UGT1A8: variants seen among roughly 807,000 people sequenced by gnomAD.
The protein encoded by UGT1A8 is UDP-glucuronosyltransferase 1A8.
A neutral mutation model predicts 45.3 loss-of-function variants in UGT1A8; 39 were observed. The ratio of observed to expected loss-of-function variants is 0.86; its 90% CI spans 0.67 to 1.12. The LOEUF is 1.12. Ranked by LOEUF, UGT1A8 falls within the 50% of genes most tolerant of loss-of-function variation. The probability of loss-of-function intolerance (pLI) is 0.00; values close to 1 mark genes in which losing one functional copy is unlikely to be tolerated. For missense variants in UGT1A8, 719 were observed against 664.9 expected, an observed-to-expected ratio of 1.08 and a Z score of -0.90; for synonymous variants, 275 against 249.2, an observed-to-expected ratio of 1.10 and a Z score of -0.97.
At chr2:233,657,796 A>T (rs1219520994) in intron 1 of UGT1A8, among the ~76,000 whole-genome samples, 1 of 152,094 alleles carries the variant, frequency 6.6e-6, no homozygotes, top group Non-Finnish European at 1.5e-5. Context: ...CCATCTGTAT[A>T]TGTTCTTTGG....
Position 233,758,775 on chromosome 2 carries a change from G to C in UGT1A8, c.856-8259G>C, listed in dbSNP as rs534171239. Among the ~76,000 whole-genome samples the C allele has an allele frequency of 2.6e-5, 4 of 152,252 alleles. No individual in the cohort carries two copies. In the East Asian group the frequency reaches 7.7e-4, roughly 29 times the overall value. On this transcript the variant is annotated intron_variant, in intron 1 of 4. Coordinates refer to ENST00000373450, the MANE Select transcript of UGT1A8 (RefSeq NM_019076.5). ...AGTGATGTGTATGGTTCAAATGTTGGGATCTGTGCAGTTATCTTGGAATTG... is the reference window on the plus strand; with the variant it reads ...AGTGATGTGTATGGTTCAAATGTTGCGATCTGTGCAGTTATCTTGGAATTG...
At chr2:233,676,480 G>A (rs997531639) in intron 1 of UGT1A8, among the ~76,000 whole-genome samples, 4 of 152,062 alleles carry the variant, frequency 2.6e-5, no homozygotes, top group East Asian at 3.8e-4. Context: ...CAATATTGAC[G>A]CATAATGATG....
chr2:233,671,983 C>T (rs1209709539), intron 1 of UGT1A8: 1 of 1,613,950 alleles, frequency 6.2e-7, no homozygotes, highest in Non-Finnish European at 8.5e-7. Context: ...TGTGTGTCTG[C>T]TGCTGACCTG....
chr2:233,732,797 G>A (rs1219460969), intron 1 of UGT1A8, among the ~76,000 whole-genome samples: 2 of 150,530 alleles, frequency 1.3e-5, no homozygotes, highest in Non-Finnish European at 3.0e-5. Context: ...GGCAATGCAG[G>A]CTCTTTTTTG....
intron 1 of UGT1A8, chr2:233,743,560 C>A: frequency 7.3e-7 from 1 of 1,367,302 alleles, no homozygotes; most frequent in South Asian, 1.1e-5. Flanking sequence ...AAATATTCTC[C>A]AGCGGGTTTC....
At chr2:233,725,976 G>T (rs553044783) in intron 1 of UGT1A8, among the ~76,000 whole-genome samples, 1 of 152,162 alleles carries the variant, frequency 6.6e-6, no homozygotes, top group Non-Finnish European at 1.5e-5. Flanking sequence ...GAGCAGCCTG[G>T]GAAACGTGCT....
chr2:233,770,228 A>T (rs1355142630), intron 4 of UGT1A8: 1 of 152,236 alleles, frequency 6.6e-6, no homozygotes, highest in Non-Finnish European at 1.5e-5. Context: ...TCTGATTGTG[A>T]ATCTCCATGA....
chr2:233,689,524 T>C (rs2074948566), intron 1 of UGT1A8, among the ~76,000 whole-genome samples: 1 of 152,254 alleles, frequency 6.6e-6, no homozygotes, highest in Non-Finnish European at 1.5e-5. Flanking sequence ...GGTTTGGTCA[T>C]GAGAAGTGAG....
At chr2:233,757,560 A>ATG (rs199649558) in intron 1 of UGT1A8, among the ~76,000 whole-genome samples, 16 of 123,134 alleles carry the variant, frequency 1.3e-4, no homozygotes, top group African/African-American at 3.4e-4. Context: ...ATATATATAT[A>ATG]TGTATATATG....
intron 1 of UGT1A8, among the ~76,000 whole-genome samples, chr2:233,684,502 T>C (rs2125529215): frequency 6.6e-6 from 1 of 152,288 alleles, no homozygotes; most frequent in East Asian, 1.9e-4. Flanking sequence ...CAAAGGGATT[T>C]AGAGATGTAG....
intron 1 of UGT1A8, among the ~76,000 whole-genome samples, chr2:233,735,445 G>A (rs1440470115): frequency 6.6e-6 from 1 of 152,036 alleles, no homozygotes; most frequent in Non-Finnish European, 1.5e-5. Flanking sequence ...GCATACCGAT[G>A]GGCCTTGACT....
At chr2:233,622,413 G>T (rs1324957261) in intron 1 of UGT1A8, among the ~76,000 whole-genome samples, 1 of 152,048 alleles carries the variant, frequency 6.6e-6, no homozygotes, top group African/African-American at 2.4e-5. Context: ...AGTTTTTAAT[G>T]ATCGCCATTC....
intron 1 of UGT1A8, chr2:233,755,146 C>A: frequency 7.7e-7 from 1 of 1,304,902 alleles, no homozygotes; most frequent in Non-Finnish European, 1.0e-6. Flanking sequence ...CTTCTCACCG[C>A]TTCCTCCCTG....
At position 233,667,038 on chromosome 2, in the gene UGT1A8, C is replaced by G. The variant is rs189928058; in HGVS notation, c.855+48476C>G. ...TGTGTATGTGCCACATTTTCTTAAT[C>G]CAGTCTATCATTGTTGGACATTTGG... is the stretch of plus-strand genomic sequence containing the variant. On this transcript the variant is annotated intron_variant, in intron 1 of 4. Transcript: ENST00000373450. Among the ~76,000 whole-genome samples, 1,255 of 152,208 alleles carry G rather than the reference C, an allele frequency of 8.2e-3. 9 individuals carry two copies. The highest frequency in any genetic ancestry group is 0.028 in the African/African-American group (1,181 of 41,530).
chr2:233,637,072 C>T (rs375031012), intron 1 of UGT1A8: 43 of 1,613,926 alleles, frequency 2.7e-5, no homozygotes, highest in Non-Finnish European at 3.4e-5. Flanking sequence ...TGCACAGTGC[C>T]CTGCTCCTCT....
chr2:233,618,039 G>A lies in UGT1A8; in HGVS notation c.332G>A (p.Ser111Asn). Residue 111 changes from serine (S) to asparagine (N), a missense_variant, in exon 1 of 5, where the codon AGT becomes AAT. Coordinates refer to ENST00000373450, the MANE Select transcript of UGT1A8 (RefSeq NM_019076.5). ...QVRSLFSLFL[S>N]SSNGFFNLFF... The stretch of plus-strand genomic sequence containing the variant: ...CGAAGTTTGTTTTCTCTATTTCTGA[G>A]TTCATCCAATGGTTTTTTTAACTTA... 4 of 1,614,160 alleles carry A rather than the reference G, an allele frequency of 2.5e-6. No homozygotes were observed. The highest frequency in any genetic ancestry group is 2.5e-6 in the Non-Finnish European group (3 of 1,180,026).
chr2:233,704,781 G>T (rs989120874), intron 1 of UGT1A8, among the ~76,000 whole-genome samples: 3 of 152,050 alleles, frequency 2.0e-5, no homozygotes, highest in Admixed American at 6.5e-5. Context: ...ATATGTTATA[G>T]TCCCAACAAT....
At chr2:233,691,234 C>T in intron 1 of UGT1A8, 2 of 985,538 alleles carry the variant, frequency 2.0e-6, no homozygotes, top group Non-Finnish European at 2.4e-6. Flanking sequence ...AGTCTTATTG[C>T]TATCTAGATG....
chr2:233,680,077 A>C (rs1225701649), intron 1 of UGT1A8, among the ~76,000 whole-genome samples: 2 of 148,408 alleles, frequency 1.3e-5, no homozygotes, highest in African/African-American at 2.5e-5. Flanking sequence ...ATCTTCATTG[A>C]TTTTGAAATG....
Sources: allele counts gnomAD v4.1 joint callset (sites outside exome capture counted in the v4.1 genomes callset), GRCh38; gene constraint gnomAD v4.1.1; transcripts MANE v1.5; gene names NCBI Gene and HGNC (gene_info 2026-07-23, HGNC 2026-07-21).